The following NYAP2 variants were observed in gnomAD, a reference collection of about 807,000 sequenced individuals.
NYAP2 encodes neuronal tyrosine-phosphorylated phosphoinositide-3-kinase adapter 2.
Under a neutral mutation model 50.4 loss-of-function variants are expected in NYAP2, and 23 were observed. That is an observed-to-expected ratio of 0.46 (90% CI 0.33 to 0.65). The LOEUF (loss-of-function observed/expected upper bound fraction) is 0.65. Among genes scored for constraint, NYAP2 ranks in the 30% least tolerant of loss-of-function variants. NYAP2 has a pLI of 0.02. For missense variants in NYAP2, 885 were observed against 861.0 expected (o/e 1.03, Z -0.35); for synonymous variants, 394 against 365.2 (o/e 1.08, Z -0.90).
intron 4 of NYAP2, among the ~76,000 whole-genome samples, chr2:225,580,255 T>C (rs1329597601): frequency 6.6e-6 from 1 of 152,238 alleles, no homozygotes; most frequent in Non-Finnish European, 1.5e-5. Context: ...CAGACTTTTG[T>C]ATATAATCTG....
At chr2:225,415,272 T>C (rs1001784240) in intron 3 of NYAP2, among the ~76,000 whole-genome samples, 1 of 152,192 alleles carries the variant, frequency 6.6e-6, no homozygotes, top group Non-Finnish European at 1.5e-5. Context: ...AGTATTTCTG[T>C]TACTCAAAAA....
intron 3 of NYAP2, among the ~76,000 whole-genome samples, chr2:225,412,255 C>CTTTTTTTTTTTTTTTTTT (rs560637948): frequency 5.1e-5 from 3 of 59,150 alleles, no homozygotes; most frequent in Non-Finnish European, 6.5e-5. Context: ...CTGCGCCCGG[C>CTTTTTTTTTTTTTTTTTT]TTTTTTTTTT....
chr2:225,442,646 G>C (rs1187865166), intron 3 of NYAP2, among the ~76,000 whole-genome samples: 1 of 152,046 alleles, frequency 6.6e-6, no homozygotes, highest in African/African-American at 2.4e-5. Flanking sequence ...CACCATCTCG[G>C]CTCACTGCAT....
intron 3 of NYAP2, among the ~76,000 whole-genome samples, chr2:225,410,465 TTG>T (rs1695019829): frequency 2.0e-5 from 3 of 152,038 alleles, no homozygotes; most frequent in Non-Finnish European, 4.4e-5. Context: ...GGACATTTTT[TTG>T]TGTGTGAGCA....
At chr2:225,615,673 T>G (rs146432409) in intron 5 of NYAP2, among the ~76,000 whole-genome samples, 3 of 152,174 alleles carry the variant, frequency 2.0e-5, no homozygotes, top group Non-Finnish European at 4.4e-5. Context: ...ACTTTCCTGG[T>G]CACCATGACC....
chr2:225,403,070 AG>A (rs1694889610), intron 2 of NYAP2, among the ~76,000 whole-genome samples: 1 of 151,958 alleles, frequency 6.6e-6, no homozygotes, highest in Non-Finnish European at 1.5e-5. Context: ...TACATGCAAA[AG>A]TTGTAAAAGA....
At chr2:225,405,789 G>T (rs1694931787) in intron 2 of NYAP2, among the ~76,000 whole-genome samples, 1 of 151,886 alleles carries the variant, frequency 6.6e-6, no homozygotes, top group South Asian at 2.1e-4. Context: ...GTGGACAATG[G>T]GGGACAATGG....
intron 5 of NYAP2, among the ~76,000 whole-genome samples, chr2:225,622,705 A>G (rs1254968540): frequency 1.3e-5 from 2 of 151,040 alleles, no homozygotes; most frequent in Middle Eastern, 3.4e-3. Flanking sequence ...TCAGCCTCCC[A>G]AGTAGCTGGG....
At chr2:225,620,929 C>T (rs917340751) in intron 5 of NYAP2, among the ~76,000 whole-genome samples, 1 of 152,064 alleles carries the variant, frequency 6.6e-6, no homozygotes, top group African/African-American at 2.4e-5. Flanking sequence ...TTCTGGCTAA[C>T]ATGGTGAAAC....
At chr2:225,588,868 T>C (rs1692438583) in intron 5 of NYAP2, among the ~76,000 whole-genome samples, 2 of 152,210 alleles carry the variant, frequency 1.3e-5, no homozygotes, top group African/African-American at 4.8e-5. Flanking sequence ...ACAGTATTGA[T>C]AGCTTATTAT....
intron 2 of NYAP2, among the ~76,000 whole-genome samples, chr2:225,403,385 C>G (rs1694893322): frequency 6.6e-6 from 1 of 151,988 alleles, no homozygotes; most frequent in Non-Finnish European, 1.5e-5. Context: ...ATTTAGGTTT[C>G]CATCAGGACA....
the NYAP2 span, among the ~76,000 whole-genome samples, chr2:225,678,675 C>T: frequency 2.0e-5 from 3 of 152,068 alleles, no homozygotes; most frequent in Non-Finnish European, 4.4e-5. Flanking sequence ...TTGGACGTTA[C>T]ATATACTTGA....
exon 7 of NYAP2, chr2:225,651,599 C>CCTCTGT: frequency 1.2e-6 from 2 of 1,612,294 alleles, no homozygotes; most frequent in South Asian, 2.2e-5. Flanking sequence ...ATGCTTCCCA[C>CCTCTGT]CTCTGTCTGT....
chr2:225,527,314 A>C (rs1691169889), intron 4 of NYAP2, among the ~76,000 whole-genome samples: 1 of 152,120 alleles, frequency 6.6e-6, no homozygotes, highest in African/African-American at 2.4e-5. Context: ...TGTGTAACGA[A>C]CTACCACAAA....
At chr2:225,631,364 A>C (rs561212578) in intron 6 of NYAP2, among the ~76,000 whole-genome samples, 1 of 152,206 alleles carries the variant, frequency 6.6e-6, no homozygotes, top group Non-Finnish European at 1.5e-5. Context: ...TTGTTTGTAG[A>C]GCAGGAAATT....
rs554757758 is a variant in NYAP2 at position 225,570,301 on chromosome 2, T to C, written c.524-11640T>C. 1.8e-4 allele frequency among the ~76,000 whole-genome samples: 27 copies of C among 152,242 alleles called. No individual in the cohort carries two copies. The South Asian group carries it at 1.9e-3, about 11-fold the overall frequency. On this transcript the variant is annotated intron_variant, in intron 4 of 6. Coordinates refer to ENST00000636099, the Ensembl canonical transcript of NYAP2. Reference sequence around the variant, plus strand: ...ACTCCCTCTCATCAGATGTCTAGAGTAGACAAACTCAAAGAGATGGGTACA... The same window carrying C: ...ACTCCCTCTCATCAGATGTCTAGAGCAGACAAACTCAAAGAGATGGGTACA...
intron 3 of NYAP2, among the ~76,000 whole-genome samples, chr2:225,456,419 T>C (rs533621098): frequency 6.6e-6 from 1 of 152,306 alleles, no homozygotes; most frequent in South Asian, 2.1e-4. Flanking sequence ...TGGCCTCCCT[T>C]TCTTCACTCC....
At chr2:225,561,195 T>C (rs2106215802) in intron 4 of NYAP2, among the ~76,000 whole-genome samples, 1 of 152,164 alleles carries the variant, frequency 6.6e-6, no homozygotes, top group Admixed American at 6.6e-5. Context: ...GGGATGACCA[T>C]TTTGAATAAG....
At chr2:225,601,787 A>G (rs1692695058) in intron 5 of NYAP2, among the ~76,000 whole-genome samples, 1 of 152,154 alleles carries the variant, frequency 6.6e-6, no homozygotes, top group South Asian at 2.1e-4. Flanking sequence ...TCTGTATATT[A>G]ATCCCTTATC....
Sources: allele counts gnomAD v4.1 joint callset (sites outside exome capture counted in the v4.1 genomes callset), GRCh38; gene constraint gnomAD v4.1.1; transcripts MANE v1.5; gene names NCBI Gene and HGNC (gene_info 2026-07-23, HGNC 2026-07-21).